The following SYT14 variants were observed in gnomAD, a reference collection of about 807,000 sequenced individuals.
SYT14 encodes synaptotagmin 14, also known as synaptotagmin-14.
In SYT14, 32 loss-of-function variants were observed where a neutral mutation model predicts 74.2. The observed-to-expected ratio is 0.43, with a 90% CI of 0.33 to 0.58. SYT14 has a LOEUF of 0.58. SYT14 is among the 20% of genes least tolerant of loss of function. SYT14 has a pLI of 0.05. For missense variants in SYT14, 791 were observed against 981.8 expected, an observed-to-expected ratio of 0.81 and a Z score of 2.60; for synonymous variants, 298 against 337.7, an observed-to-expected ratio of 0.88 and a Z score of 1.29.
intron 5 of SYT14, among the ~76,000 whole-genome samples, chr1:210,057,985 T>C (rs192849081): frequency 3.8e-4 from 58 of 152,356 alleles, no homozygotes; most frequent in African/African-American, 1.3e-3. Context: ...TTTAGGTCTA[T>C]ACCTACCACA....
At chr1:209,965,569 A>T (rs1030631424) in intron 2 of SYT14, among the ~76,000 whole-genome samples, 13 of 152,218 alleles carry the variant, frequency 8.5e-5, no homozygotes, top group African/African-American at 2.9e-4. Flanking sequence ...CTTTGGGCAT[A>T]TACCCGGTAA....
At chr1:209,994,436 C>T (rs141203564) in intron 2 of SYT14, among the ~76,000 whole-genome samples, 7 of 151,448 alleles carry the variant, frequency 4.6e-5, no homozygotes, top group South Asian at 2.1e-4. Flanking sequence ...CAGACAAAAA[C>T]GAAGAAAAAA....
chr1:209,963,470 A>T (rs1220402868), intron 2 of SYT14, among the ~76,000 whole-genome samples: 1 of 152,190 alleles, frequency 6.6e-6, no homozygotes, highest in East Asian at 1.9e-4. Context: ...GAGGAATGGG[A>T]TATATACTAA....
At chr1:210,062,532 A>G (rs1205973193) in intron 5 of SYT14, among the ~76,000 whole-genome samples, 1 of 151,856 alleles carries the variant, frequency 6.6e-6, no homozygotes, top group African/African-American at 2.4e-5. Flanking sequence ...ATATTTTTCA[A>G]TAAATAGGCA....
In SYT14 at chr1:210,033,394, T is replaced by C. The variant is rs546555898; in HGVS notation, c.1312+12140T>C. Among the ~76,000 whole-genome samples, 7 of 151,990 alleles carry C rather than the reference T, an allele frequency of 4.6e-5. No individual in the cohort carries two copies. The South Asian group carries it at 1.4e-3, about 31-fold the overall frequency. On this transcript the variant is annotated intron_variant, in intron 5 of 9. Coordinates refer to ENST00000637265, the Ensembl canonical transcript of SYT14. Reference sequence around the variant, plus strand: ...TTGAGGTTCTATTTATTTTAATGTGTAATTCTGAAAAATCTTTCGTCTAAG... The same window carrying C: ...TTGAGGTTCTATTTATTTTAATGTGCAATTCTGAAAAATCTTTCGTCTAAG...
intron 5 of SYT14, among the ~76,000 whole-genome samples, chr1:210,088,315 C>T (rs2081783481): frequency 6.6e-6 from 1 of 151,878 alleles, no homozygotes; most frequent in African/African-American, 2.4e-5. Flanking sequence ...CGGTCATCTA[C>T]ATTAGGTATT....
chr1:210,079,176 C>G (rs1015729167), intron 5 of SYT14, among the ~76,000 whole-genome samples: 2 of 151,592 alleles, frequency 1.3e-5, no homozygotes, highest in Non-Finnish European at 2.9e-5. Context: ...CATCATTGCT[C>G]CCCTACAGAG....
At chr1:210,100,350 T>A (rs1374247244) in exon 7 of SYT14, 1 of 1,613,978 alleles carries the variant, frequency 6.2e-7, no homozygotes, top group East Asian at 2.2e-5. Context: ...ATGGTGTACA[T>A]CGCATGAAAA....
At chr1:210,013,140 G>A (rs935202956) in intron 2 of SYT14, among the ~76,000 whole-genome samples, 6 of 147,150 alleles carry the variant, frequency 4.1e-5, no homozygotes, top group African/African-American at 1.0e-4. Context: ...GCACAATCTC[G>A]GCTCACTGCA....
At chr1:210,081,155 T>G (rs2081608484) in intron 5 of SYT14, among the ~76,000 whole-genome samples, 1 of 152,202 alleles carries the variant, frequency 6.6e-6, no homozygotes. Context: ...GAGCAGGAGC[T>G]GGATGTCTGA....
intron 2 of SYT14, among the ~76,000 whole-genome samples, chr1:209,979,561 C>A (rs2079442812): frequency 6.6e-6 from 1 of 152,008 alleles, no homozygotes; most frequent in Admixed American, 6.6e-5. Flanking sequence ...AGGTATTAAG[C>A]CCAGCATCCA....
chr1:210,123,919 A>T (rs928652090), intron 7 of SYT14, among the ~76,000 whole-genome samples: 3 of 152,168 alleles, frequency 2.0e-5, no homozygotes, highest in African/African-American at 7.2e-5. Flanking sequence ...AAATTTTTTT[A>T]AAAGAGAAAA....
intron 7 of SYT14, among the ~76,000 whole-genome samples, chr1:210,102,756 A>T (rs1173083662): frequency 1.3e-5 from 2 of 152,046 alleles, no homozygotes; most frequent in Non-Finnish European, 2.9e-5. Context: ...ATCATGGCTG[A>T]TTGTAGCCTG....
intron 2 of SYT14, among the ~76,000 whole-genome samples, chr1:209,981,990 A>T (rs1241398097): frequency 1.3e-5 from 2 of 150,674 alleles, no homozygotes; most frequent in Non-Finnish European, 1.5e-5. Context: ...TGTTGCCTCG[A>T]TTTCTTATAT....
chr1:210,107,901 G>A (rs2082188202), intron 7 of SYT14, among the ~76,000 whole-genome samples: 1 of 151,734 alleles, frequency 6.6e-6, no homozygotes, highest in African/African-American at 2.4e-5. Flanking sequence ...GTTTATTTCT[G>A]TCTTTGTTTT....
chr1:209,949,571 CA>C (rs34436607), intron 1 of SYT14, among the ~76,000 whole-genome samples: 889 of 82,090 alleles, frequency 0.011, 5 homozygotes, highest in African/African-American at 0.022. Flanking sequence ...GACTCCGTCT[CA>C]AAAAAAAAAA....
chr1:209,962,348 T>A (rs1400301193), intron 2 of SYT14, among the ~76,000 whole-genome samples: 1 of 151,986 alleles, frequency 6.6e-6, no homozygotes, highest in African/African-American at 2.4e-5. Context: ...CAATAGATTT[T>A]TGTAACTGCC....
chr1:210,018,322 T>C (rs1407839788), intron 4 of SYT14, among the ~76,000 whole-genome samples: 1 of 151,960 alleles, frequency 6.6e-6, no homozygotes, highest in Non-Finnish European at 1.5e-5. Context: ...TTCATAAAGA[T>C]AGGGTTTCAT....
exon 10 of SYT14, chr1:210,168,027 A>G (rs564273695): frequency 1.3e-5 from 2 of 152,638 alleles, no homozygotes; most frequent in East Asian, 3.9e-4. Flanking sequence ...GCAAAGCGTA[A>G]TACTCTTTAA....
Sources: gnomAD v4.1 joint callset for allele counts (sites outside exome capture counted in the v4.1 genomes callset) on GRCh38, gnomAD v4.1.1 for gene constraint, MANE v1.5 for transcripts, NCBI Gene and HGNC (gene_info 2026-07-23, HGNC 2026-07-21) for gene names.